Variants in PKNOX2 observed in about 807,000 individuals in gnomAD.
The protein encoded by PKNOX2 is homeobox protein PKNOX2.
A neutral mutation model predicts 53.1 loss-of-function variants in PKNOX2; 14 were observed. The observed-to-expected ratio is 0.26, with a 90% CI of 0.17 to 0.41. The LOEUF (loss-of-function observed/expected upper bound fraction) is 0.41. Among genes scored for constraint, PKNOX2 ranks in the 10% least tolerant of loss-of-function variants. The probability of loss-of-function intolerance (pLI) is 1.00; values close to 1 mark genes in which losing one functional copy is unlikely to be tolerated. For synonymous variants in PKNOX2, 257 were observed against 242.8 expected (o/e 1.06, Z -0.54); for missense variants, 496 against 602.8 (o/e 0.82, Z 1.85).
intron 1 of PKNOX2, among the ~76,000 whole-genome samples, chr11:125,183,232 C>T (rs1463317980): frequency 4.5e-5 from 4 of 88,128 alleles, no homozygotes; most frequent in Admixed American, 2.4e-4. Flanking sequence ...TTTTTTGAGA[C>T]GGAGTCTCAC....
At chr11:125,405,536 C>T (rs1310918819) in intron 7 of PKNOX2, among the ~76,000 whole-genome samples, 1 of 152,190 alleles carries the variant, frequency 6.6e-6, no homozygotes, top group East Asian at 1.9e-4. Context: ...AGCTTCTCAT[C>T]GTTTCTTAGT....
intron 9 of PKNOX2, chr11:125,411,113 C>T (rs1459766231): frequency 1.3e-5 from 6 of 470,970 alleles, no homozygotes; most frequent in Admixed American, 3.5e-5. Flanking sequence ...CTTCCTATTC[C>T]TGTCTGCAGA....
At chr11:125,243,544 G>A (rs1162895986) in intron 2 of PKNOX2, among the ~76,000 whole-genome samples, 1 of 151,832 alleles carries the variant, frequency 6.6e-6, no homozygotes, top group South Asian at 2.1e-4. Flanking sequence ...TTGTGCCATA[G>A]TTGCTGCACT....
chr11:125,375,438 G>T (rs1234822239), intron 5 of PKNOX2, among the ~76,000 whole-genome samples: 1 of 152,176 alleles, frequency 6.6e-6, no homozygotes, highest in East Asian at 1.9e-4. Context: ...TTCAGTAACT[G>T]CTCACAAGTA....
intron 10 of PKNOX2, 75 bp from the exon 11 acceptor site, chr11:125,428,937 G>A: frequency 6.8e-7 from 1 of 1,478,958 alleles, no homozygotes; most frequent in Non-Finnish European, 9.4e-7. Flanking sequence ...TAGTGCCCAT[G>A]GCGTGGGCAC....
rs201275403 is a variant in PKNOX2, at chr11:125,396,576, CT to C, written c.400-1294del. 7.8e-3 allele frequency among the ~76,000 whole-genome samples: 837 copies of C among 107,856 alleles called. 6 individuals are homozygous for C. The highest frequency in any genetic ancestry group is 0.029 in the African/African-American group (703 of 24,004). The allele number at this position is 107,856 out of a possible 152,430, so 70.8% of individuals were successfully genotyped here. A position where few individuals can be genotyped will look rare whatever the true frequency, so the allele number is the denominator to read the frequency against. On this transcript the variant is annotated intron_variant, in intron 6 of 12. Transcript: ENST00000298282. ...TTCATCCTAAAGAATAATGCAGAAA[CT>C]TTTAAAAAAAAAAAAAAAAAGCTAT...
At chr11:125,410,067 G>C (rs984418613) in intron 7 of PKNOX2, 129 bp from the exon 8 acceptor site, 1 of 1,270,014 alleles carries the variant, frequency 7.9e-7, no homozygotes, top group African/African-American at 1.5e-5. Flanking sequence ...TTCTGGACCT[G>C]GGTCTGGGGA....
rs546996133 is a variant in PKNOX2, at chr11:125,344,358, C to T, written c.-22-6926C>T. ...GCCACAGGCCATTAGGGGGAGGCCA[C>T]GCTCCTTGGGATGGAAATTGGGGGT... On this transcript the variant is annotated intron_variant, in intron 3 of 12. Coordinates refer to ENST00000298282, the MANE Select transcript of PKNOX2 (RefSeq NM_001382323.2). Among the ~76,000 whole-genome samples the T allele has an allele frequency of 5.3e-5, 8 of 152,260 alleles. No individual in the cohort carries two copies. The East Asian group carries it at 5.8e-4, about 11-fold the overall frequency.
Position 125,365,160 on chromosome 11 carries a change from C to G in PKNOX2, c.88-2686C>G, listed in dbSNP as rs141193857. Among the ~76,000 whole-genome samples, 269 of 152,226 alleles carry G rather than the reference C, an allele frequency of 1.8e-3. 4 individuals carry two copies. The South Asian group carries it at 0.031, about 18-fold the overall frequency. ...CATGTTTCCCCTTCTCACCCACCCC[C>G]CAAATCTTGCCTATATATCCCACGT... is the stretch of plus-strand genomic sequence containing the variant. On this transcript the variant is annotated intron_variant, in intron 4 of 12. Coordinates refer to ENST00000298282, the MANE Select transcript of PKNOX2 (RefSeq NM_001382323.2).
intron 4 of PKNOX2, among the ~76,000 whole-genome samples, chr11:125,366,650 G>A (rs935988417): frequency 6.6e-6 from 1 of 152,198 alleles, no homozygotes; most frequent in Non-Finnish European, 1.5e-5. Context: ...TCTGAGCGGA[G>A]ATCTAAATGA....
intron 5 of PKNOX2, among the ~76,000 whole-genome samples, chr11:125,377,834 G>A (rs189148296): frequency 2.6e-5 from 4 of 152,346 alleles, no homozygotes; most frequent in African/African-American, 7.2e-5. Context: ...ACGAATTTGC[G>A]TTGGGTCACA....
At chr11:125,427,069 G>A (rs1466709451) in intron 10 of PKNOX2, among the ~76,000 whole-genome samples, 2 of 152,228 alleles carry the variant, frequency 1.3e-5, no homozygotes, top group Non-Finnish European at 2.9e-5. Flanking sequence ...GCTGCTTTTT[G>A]TCTACAGACC....
At chr11:125,241,130 G>A (rs954025168) in intron 2 of PKNOX2, among the ~76,000 whole-genome samples, 13 of 152,098 alleles carry the variant, frequency 8.5e-5, no homozygotes, top group African/African-American at 2.9e-4. Flanking sequence ...TGGGCTTCAC[G>A]GTTCAACCCT....
intron 2 of PKNOX2, chr11:125,258,514 G>C (rs1313474814): frequency 6.6e-6 from 1 of 152,352 alleles, no homozygotes; most frequent in African/African-American, 2.4e-5. Context: ...GGACGATTAG[G>C]GAAATATCTT....
chr11:125,220,296 T>C (rs1024069822), intron 1 of PKNOX2, among the ~76,000 whole-genome samples: 4 of 152,208 alleles, frequency 2.6e-5, no homozygotes, highest in African/African-American at 7.2e-5. Flanking sequence ...ATTACCTTTT[T>C]AAAAGCAAAA....
chr11:125,207,988 T>C (rs1004341219), intron 1 of PKNOX2, among the ~76,000 whole-genome samples: 1 of 152,122 alleles, frequency 6.6e-6, no homozygotes, highest in African/African-American at 2.4e-5. Context: ...AATTCTGTAA[T>C]GAATGTGTCT....
chr11:125,278,991 C>A (rs1170083852), intron 2 of PKNOX2, among the ~76,000 whole-genome samples: 1 of 152,188 alleles, frequency 6.6e-6, no homozygotes, highest in Non-Finnish European at 1.5e-5. Context: ...AGCCGGGAGA[C>A]CACTATGGTC....
At chr11:125,375,767 T>G (rs1416028773) in intron 5 of PKNOX2, among the ~76,000 whole-genome samples, 1 of 152,196 alleles carries the variant, frequency 6.6e-6, no homozygotes, top group African/African-American at 2.4e-5. Flanking sequence ...CTGGCTGAAT[T>G]TCTGGTGACT....
intron 6 of PKNOX2, among the ~76,000 whole-genome samples, chr11:125,394,951 C>T (rs946918524): frequency 2.8e-5 from 4 of 143,746 alleles, no homozygotes; most frequent in African/African-American, 5.4e-5. Context: ...ACCAGTTTTA[C>T]GTGCCCTCGT....
Sources: allele counts gnomAD v4.1 joint callset (sites outside exome capture counted in the v4.1 genomes callset), GRCh38; gene constraint gnomAD v4.1.1; transcripts MANE v1.5; gene names NCBI Gene and HGNC (gene_info 2026-07-23, HGNC 2026-07-21).